DNAJC1: variants seen among roughly 807,000 people sequenced by gnomAD.
The protein encoded by DNAJC1 is DnaJ heat shock protein family (Hsp40) member C1.
Under a neutral mutation model 76.6 loss-of-function variants are expected in DNAJC1, and 58 were observed. That is an observed-to-expected ratio of 0.76 (90% CI 0.61 to 0.94). The LOEUF (loss-of-function observed/expected upper bound fraction) is 0.94, where lower values mean the gene tolerates loss of function less well. Among genes scored for constraint, DNAJC1 ranks in the 40% least tolerant of loss-of-function variants. DNAJC1 has a pLI of 0.00. For missense variants in DNAJC1, 689 were observed against 677.3 expected (o/e 1.02, Z -0.19); for synonymous variants, 258 against 267.9 (o/e 0.96, Z 0.36).
chr10:21,989,357 T>C (rs1838296121), intron 1 of DNAJC1, among the ~76,000 whole-genome samples: 1 of 152,030 alleles, frequency 6.6e-6, no homozygotes, highest in Non-Finnish European at 1.5e-5. Context: ...AGAGAGAAAA[T>C]TATAAACATA....
At chr10:21,959,447 C>T (rs1352677096) in intron 1 of DNAJC1, among the ~76,000 whole-genome samples, 1 of 152,058 alleles carries the variant, frequency 6.6e-6, no homozygotes, top group African/African-American at 2.4e-5. Context: ...ATATTATATC[C>T]TCGAGATGTT....
chr10:21,813,412 G>A (rs1003116149), intron 8 of DNAJC1, among the ~76,000 whole-genome samples: 3 of 147,852 alleles, frequency 2.0e-5, no homozygotes, highest in African/African-American at 5.0e-5. Flanking sequence ...TTTTTGAGAC[G>A]GAGTCTCACT....
intron 8 of DNAJC1, among the ~76,000 whole-genome samples, chr10:21,816,568 C>T (rs1479956250): frequency 1.4e-4 from 19 of 137,918 alleles, no homozygotes; most frequent in South Asian, 2.4e-4. Flanking sequence ...TTTTTTGAGA[C>T]GGAGACTCGC....
intron 6 of DNAJC1, among the ~76,000 whole-genome samples, chr10:21,913,675 G>A (rs1057025720): frequency 4.6e-5 from 7 of 152,068 alleles, no homozygotes; most frequent in Admixed American, 6.6e-5. Context: ...GTTACAAGCC[G>A]AACACAACCA....
chr10:21,901,709 A>G (rs915130811), intron 7 of DNAJC1, among the ~76,000 whole-genome samples: 1 of 152,254 alleles, frequency 6.6e-6, no homozygotes, highest in Non-Finnish European at 1.5e-5. Flanking sequence ...CAATCTAAGC[A>G]GTAAAGCAGA....
At chr10:21,982,773 C>T (rs1838177710) in intron 1 of DNAJC1, among the ~76,000 whole-genome samples, 1 of 151,016 alleles carries the variant, frequency 6.6e-6, no homozygotes, top group Non-Finnish European at 1.5e-5. Context: ...GAAATTAGAA[C>T]TCTTGTACAT....
chr10:21,759,894 G>A (rs758389968), intron 10 of DNAJC1, among the ~76,000 whole-genome samples: 14 of 152,162 alleles, frequency 9.2e-5, no homozygotes, highest in Non-Finnish European at 2.9e-5. Context: ...GAGGAATAAT[G>A]GGTATATAAA....
chr10:21,983,720 CAAAA>C (rs35597471), intron 1 of DNAJC1, among the ~76,000 whole-genome samples: 13 of 113,776 alleles, frequency 1.1e-4, no homozygotes, highest in Non-Finnish European at 1.1e-4. Context: ...GATTCTGTCT[CAAAA>C]AAAAAAAAAA....
chr10:21,970,877 T>C (rs1423076229), intron 1 of DNAJC1, among the ~76,000 whole-genome samples: 1 of 151,984 alleles, frequency 6.6e-6, no homozygotes, highest in Non-Finnish European at 1.5e-5. Context: ...CATCTGATAG[T>C]TTTGAAATAT....
chr10:21,759,953 C>A (rs933603884), intron 10 of DNAJC1, among the ~76,000 whole-genome samples: 1 of 152,116 alleles, frequency 6.6e-6, no homozygotes, highest in Non-Finnish European at 1.5e-5. Flanking sequence ...GAGGGAATAA[C>A]CTGCTACTCA....
chr10:21,961,993 T>C (rs1456591129), intron 1 of DNAJC1, among the ~76,000 whole-genome samples: 1 of 152,120 alleles, frequency 6.6e-6, no homozygotes, highest in Non-Finnish European at 1.5e-5. Context: ...CTTATCTTCA[T>C]TACTCACATC....
In DNAJC1 at chr10:21,988,069, C is replaced by A. The variant is rs183662660; in HGVS notation, c.222+15144G>T. Among the ~76,000 whole-genome samples, 4 of 152,102 alleles carry A rather than the reference C, an allele frequency of 2.6e-5. No individual in the cohort carries two copies. In the East Asian group the frequency reaches 7.7e-4, roughly 29 times the overall value. The stretch of plus-strand genomic sequence containing the variant: ...TGTCATAATTTACTCAAATACACTC[C>A]TTATTATTAGAATTTATTTCTCATT... On this transcript the variant is annotated intron_variant, in intron 1 of 11. Transcript: ENST00000376980.
intron 1 of DNAJC1, among the ~76,000 whole-genome samples, chr10:21,935,075 A>G (rs1268465299): frequency 6.6e-6 from 1 of 152,190 alleles, no homozygotes; most frequent in Non-Finnish European, 1.5e-5. Flanking sequence ...CTAATACTCA[A>G]TAAAAAATTA....
intron 8 of DNAJC1, among the ~76,000 whole-genome samples, chr10:21,808,124 A>C (rs989506248): frequency 1.3e-5 from 2 of 152,206 alleles, no homozygotes; most frequent in African/African-American, 4.8e-5. Context: ...TATACTGATC[A>C]AACCATACAG....
chr10:21,964,010 C>T (rs899992401), intron 1 of DNAJC1, among the ~76,000 whole-genome samples: 7 of 152,316 alleles, frequency 4.6e-5, no homozygotes, highest in African/African-American at 1.7e-4. Context: ...TTTTGGAAGT[C>T]ATATGCTCTA....
intron 9 of DNAJC1, among the ~76,000 whole-genome samples, chr10:21,782,660 C>A (rs568325071): frequency 3.9e-5 from 6 of 152,340 alleles, no homozygotes; most frequent in Non-Finnish European, 5.9e-5. Context: ...CAACAAGATA[C>A]TGGCAAACCG....
At chr10:21,761,005 C>G (rs1028314492) in intron 10 of DNAJC1, among the ~76,000 whole-genome samples, 1 of 152,000 alleles carries the variant, frequency 6.6e-6, no homozygotes, top group African/African-American at 2.4e-5. Flanking sequence ...ATGGCAAAAC[C>G]CCGTCTCTAC....
rs1017006548 is a variant in DNAJC1, at chr10:21,877,191, T to C, written c.978+5091A>G. Reference sequence around the variant, plus strand: ...CAGGAGGTTGAGGTGTGAGGATCACTTGAGCCTGGGAAATTGAGGCTGCAG... The same window carrying C: ...CAGGAGGTTGAGGTGTGAGGATCACCTGAGCCTGGGAAATTGAGGCTGCAG... On this transcript the variant is annotated intron_variant, in intron 8 of 11. Transcript: ENST00000376980. Among the ~76,000 whole-genome samples, 5 of 152,138 alleles carry C rather than the reference T, an allele frequency of 3.3e-5. No homozygotes were observed. The South Asian group carries it at 8.3e-4, about 25-fold the overall frequency.
intron 3 of DNAJC1, among the ~76,000 whole-genome samples, chr10:21,924,876 C>G (rs1184716501): frequency 6.6e-6 from 1 of 152,190 alleles, no homozygotes; most frequent in Non-Finnish European, 1.5e-5. Flanking sequence ...TGTTGCTGTA[C>G]TGAACACTGT....
Sources: gnomAD v4.1 joint callset for allele counts (sites outside exome capture counted in the v4.1 genomes callset) on GRCh38, gnomAD v4.1.1 for gene constraint, MANE v1.5 for transcripts, NCBI Gene and HGNC (gene_info 2026-07-23, HGNC 2026-07-21) for gene names.